Variants in CHRM3 observed in about 807,000 individuals in gnomAD.
CHRM3 encodes muscarinic acetylcholine receptor M3.
Under a neutral mutation model 41.8 loss-of-function variants are expected in CHRM3, and 11 were observed. The observed-to-expected ratio is 0.26, with a 90% CI of 0.17 to 0.44. The LOEUF (loss-of-function observed/expected upper bound fraction) is 0.44, where lower values mean the gene tolerates loss of function less well. Among genes scored for constraint, CHRM3 ranks in the 20% least tolerant of loss-of-function variants. The probability of loss-of-function intolerance (pLI) is 1.00; values close to 1 mark genes in which losing one functional copy is unlikely to be tolerated. For synonymous variants in CHRM3, 297 were observed against 301.4 expected, an observed-to-expected ratio of 0.99 and a Z score of 0.15; for missense variants, 571 against 745.4, an observed-to-expected ratio of 0.77 and a Z score of 2.72.
chr1:239,729,613 T>C (rs1301958245), intron 5 of CHRM3, among the ~76,000 whole-genome samples: 1 of 151,968 alleles, frequency 6.6e-6, no homozygotes, highest in Non-Finnish European at 1.5e-5. Flanking sequence ...AACTTCATAA[T>C]AGTTACAGAG....
intron 2 of CHRM3, among the ~76,000 whole-genome samples, chr1:239,520,632 G>T (rs1371501780): frequency 6.6e-6 from 1 of 152,076 alleles, no homozygotes; most frequent in Non-Finnish European, 1.5e-5. Flanking sequence ...TAAATTTCCA[G>T]TCTCAGGTAG....
At chr1:239,783,329 A>T (rs1000937613) in intron 5 of CHRM3, among the ~76,000 whole-genome samples, 15 of 152,218 alleles carry the variant, frequency 9.9e-5, no homozygotes, top group African/African-American at 3.6e-4. Context: ...TTATAAAAAC[A>T]TATTCAATAG....
At chr1:239,903,538 G>T (rs1679741221) in intron 6 of CHRM3, among the ~76,000 whole-genome samples, 1 of 152,174 alleles carries the variant, frequency 6.6e-6, no homozygotes, top group Non-Finnish European at 1.5e-5. Context: ...TTTAGTTGCA[G>T]GTGACAGAAA....
chr1:239,617,194 T>A (rs1244655581), intron 3 of CHRM3, among the ~76,000 whole-genome samples: 2 of 152,186 alleles, frequency 1.3e-5, no homozygotes, highest in Non-Finnish European at 2.9e-5. Context: ...AGTAATCCCA[T>A]TATAACAGTA....
chr1:239,619,340 C>T (rs1318742964), intron 3 of CHRM3, among the ~76,000 whole-genome samples: 2 of 152,182 alleles, frequency 1.3e-5, no homozygotes, highest in African/African-American at 4.8e-5. Context: ...AGTCCACACT[C>T]AGCCACTGCT....
In CHRM3 at chr1:239,798,102, A is replaced by G. The variant is rs947931170; in HGVS notation, c.-146-29150A>G. Among the ~76,000 whole-genome samples the G allele has an allele frequency of 5.1e-4, 77 of 152,116 alleles. 1 individual carries two copies. Among genetic ancestry groups the G allele is most frequent in the Non-Finnish European group, 1.3e-4 (9 of 68,020 alleles). ...CACATTCTCACAGCCCAAACCTTTC[A>G]TCTTTCACACCTCCTTTTTCCCAGT... On this transcript the variant is annotated intron_variant, in intron 5 of 6. Coordinates refer to ENST00000676153, the MANE Select transcript of CHRM3 (RefSeq NM_001375978.1).
chr1:239,422,698 G>A (rs1318137932), intron 1 of CHRM3, among the ~76,000 whole-genome samples: 1 of 151,940 alleles, frequency 6.6e-6, no homozygotes, highest in Non-Finnish European at 1.5e-5. Context: ...AGGAGGCTGA[G>A]GCAGGAGAAT....
At chr1:239,686,094 A>G (rs1256974086) in intron 5 of CHRM3, among the ~76,000 whole-genome samples, 1 of 152,128 alleles carries the variant, frequency 6.6e-6, no homozygotes, top group Non-Finnish European at 1.5e-5. Context: ...GCTCTTTAAT[A>G]GTCTCCTTCA....
intron 1 of CHRM3, among the ~76,000 whole-genome samples, chr1:239,470,426 T>C (rs1572409457): frequency 6.6e-6 from 1 of 152,192 alleles, no homozygotes; most frequent in African/African-American, 2.4e-5. Context: ...ATGGCGGCCC[T>C]AGTAGAAAAA....
rs539217737 is a variant in CHRM3, at chr1:239,592,948, G to A, written c.-312-39276G>A. ...TCCACCCCAGATCCGCTCCTCCCCC[G>A]ATGCACTGTAGGCTCCATCACCTAC... On this transcript the variant is annotated intron_variant, in intron 3 of 6. Coordinates refer to ENST00000676153, the MANE Select transcript of CHRM3 (RefSeq NM_001375978.1). 1.4e-4 allele frequency among the ~76,000 whole-genome samples: 22 copies of A among 152,018 alleles called. No individual in the cohort carries two copies. The East Asian group carries it at 1.7e-3, about 12-fold the overall frequency.
At chr1:239,852,522 A>C (rs979932796) in intron 6 of CHRM3, among the ~76,000 whole-genome samples, 2 of 152,184 alleles carry the variant, frequency 1.3e-5, no homozygotes, top group African/African-American at 4.8e-5. Flanking sequence ...GGGGATTTTC[A>C]TTTGTAACAA....
In CHRM3 at chr1:239,739,202, G is replaced by A. The variant is rs577671382; in HGVS notation, c.-147+60914G>A. On this transcript the variant is annotated intron_variant, in intron 5 of 6. Coordinates refer to ENST00000676153, the MANE Select transcript of CHRM3 (RefSeq NM_001375978.1). ...AGCAGCACCAGCATGCATTGGCATT[G>A]GAAAAATGCATTGCCCAGTTCTGTT... 2.6e-5 allele frequency among the ~76,000 whole-genome samples: 4 copies of A among 152,248 alleles called. No homozygotes were observed. In the East Asian group the frequency reaches 7.7e-4, roughly 29 times the overall value.
At chr1:239,903,501 G>A (rs1679738765) in intron 6 of CHRM3, among the ~76,000 whole-genome samples, 1 of 152,202 alleles carries the variant, frequency 6.6e-6, no homozygotes, top group East Asian at 1.9e-4. Flanking sequence ...ATGAGCTTGT[G>A]CTGATATTGA....
At chr1:239,509,891 C>T (rs1411038012) in intron 2 of CHRM3, among the ~76,000 whole-genome samples, 1 of 152,082 alleles carries the variant, frequency 6.6e-6, no homozygotes, top group Non-Finnish European at 1.5e-5. Flanking sequence ...AGTTCGAGAC[C>T]AGCCTGGCCA....
At chr1:239,388,087 C>T (rs1228693249) in intron 1 of CHRM3, among the ~76,000 whole-genome samples, 2 of 152,134 alleles carry the variant, frequency 1.3e-5, no homozygotes, top group African/African-American at 4.8e-5. Flanking sequence ...GTGTCCGACT[C>T]TCCTTGCACG....
At position 239,612,502 on chromosome 1, in the gene CHRM3, G is replaced by T. The variant is rs1267067663; in HGVS notation, c.-312-19722G>T. 2.0e-5 allele frequency among the ~76,000 whole-genome samples: 3 copies of T among 151,978 alleles called. No individual in the cohort carries two copies. In the East Asian group the frequency reaches 5.8e-4, roughly 29 times the overall value. On this transcript the variant is annotated intron_variant, in intron 3 of 6. Transcript: ENST00000676153. Reference sequence around the variant, plus strand: ...CATGCCCTCCTCTTCAGACAGATAAGAAAAAAAGCAATCAAATCCACAGAT... The same window carrying T: ...CATGCCCTCCTCTTCAGACAGATAATAAAAAAAGCAATCAAATCCACAGAT...
chr1:239,902,332 G>T (rs1679644680), intron 6 of CHRM3, among the ~76,000 whole-genome samples: 1 of 152,240 alleles, frequency 6.6e-6, no homozygotes, highest in African/African-American at 2.4e-5. Context: ...GATGAAGAAA[G>T]GTCGTCTCAA....
At chr1:239,881,243 C>CACA in intron 6 of CHRM3, among the ~76,000 whole-genome samples, 1 of 132,962 alleles carries the variant, frequency 7.5e-6, no homozygotes, top group East Asian at 2.3e-4. Context: ...AGATCCCGCC[C>CACA]CTGCACTCCA....
At chr1:239,426,561 G>A (rs1016069897) in intron 1 of CHRM3, among the ~76,000 whole-genome samples, 3 of 151,858 alleles carry the variant, frequency 2.0e-5, no homozygotes, top group Non-Finnish European at 4.4e-5. Flanking sequence ...ATGAGTGTGT[G>A]AGCATATGTG....
Sources: allele counts gnomAD v4.1 joint callset (sites outside exome capture counted in the v4.1 genomes callset), GRCh38; gene constraint gnomAD v4.1.1; transcripts MANE v1.5; gene names NCBI Gene and HGNC (gene_info 2026-07-23, HGNC 2026-07-21).